Variants in KCNQ2 observed in about 807,000 individuals in gnomAD.
KCNQ2 encodes the protein potassium voltage-gated channel subfamily Q member 2.
In KCNQ2, 14 loss-of-function variants were observed where a neutral mutation model predicts 84.8. That is an observed-to-expected ratio of 0.17 (90% confidence interval 0.11 to 0.26). KCNQ2 has a LOEUF of 0.26. Among genes scored for constraint, KCNQ2 ranks in the 10% least tolerant of loss-of-function variants. KCNQ2 has a pLI of 1.00. For synonymous variants in KCNQ2, 599 were observed against 554.1 expected, an observed-to-expected ratio of 1.08 and a Z score of -1.14; for missense variants, 788 against 1,254.0, an observed-to-expected ratio of 0.63 and a Z score of 5.61.
At chr20:63,443,214 AC>A (rs1412952442) in intron 4 of KCNQ2, among the ~76,000 whole-genome samples, 1 of 107,590 alleles carries the variant, frequency 9.3e-6, no homozygotes, top group African/African-American at 3.8e-5. Flanking sequence ...CACCACCACC[AC>A]CATGATCACC....
rs573768283 is a variant in KCNQ2, at chr20:63,470,115, G to A, written c.296+2053C>T. ...ACCAGCCCCCAGTGTCCAACCCGAG[G>A]CAGGACCAGAAACCCTGCTCTCCAG... is the stretch of plus-strand genomic sequence containing the variant. On this transcript the variant is annotated intron_variant, in intron 1 of 16. Coordinates refer to ENST00000359125, the MANE Select transcript of KCNQ2 (RefSeq NM_172107.4). Among the ~76,000 whole-genome samples, 43 of 152,326 alleles carry A rather than the reference G, an allele frequency of 2.8e-4. No individual in the cohort carries two copies. The South Asian group carries it at 8.3e-3, about 29-fold the overall frequency.
chr20:63,471,955 G>A (rs983416603), intron 1 of KCNQ2, among the ~76,000 whole-genome samples: 4 of 152,188 alleles, frequency 2.6e-5, no homozygotes, highest in Non-Finnish European at 5.9e-5. Context: ...ACCCCGACCT[G>A]AGCGGCCCCG....
chr20:63,431,478 C>CA, intron 8 of KCNQ2, 109 bp from the exon 9 acceptor site: 1 of 1,268,078 alleles, frequency 7.9e-7, no homozygotes, highest in South Asian at 1.2e-5. Context: ...GGGGAAACAA[C>CA]AGAACAAAGA....
intron 1 of KCNQ2, among the ~76,000 whole-genome samples, chr20:63,463,478 A>G (rs1351640107): frequency 1.3e-5 from 2 of 152,114 alleles, no homozygotes; most frequent in African/African-American, 4.8e-5. Flanking sequence ...TTAAAGTCCC[A>G]CACACGTGCC....
At chr20:63,471,248 G>A (rs1331624509) in intron 1 of KCNQ2, 1 of 152,318 alleles carries the variant, frequency 6.6e-6, no homozygotes, top group Non-Finnish European at 1.5e-5. Flanking sequence ...GCGCCCTGGC[G>A]CGGGGAGGCT....
intron 7 of KCNQ2, among the ~76,000 whole-genome samples, chr20:63,435,031 T>G (rs2080951840): frequency 6.6e-6 from 1 of 152,198 alleles, no homozygotes; most frequent in Non-Finnish European, 1.5e-5. Flanking sequence ...CCAGGGTGAC[T>G]GCATCGCTAC....
In KCNQ2 at chr20:63,444,955, C is replaced by G. The variant is rs550886890; in HGVS notation, c.515-121G>C. 1.2e-5 allele frequency: 14 copies of G among 1,173,484 alleles called. 1 individual carries two copies. The African/African-American group carries it at 1.7e-4, about 14-fold the overall frequency. 72.7% of individuals were successfully genotyped at this position (1,173,484 alleles called of 1,614,324 possible). A position where few individuals can be genotyped will look rare whatever the true frequency, so the allele number is the denominator to read the frequency against. On this transcript the variant is annotated intron_variant, in intron 3 of 16. Coordinates refer to ENST00000359125, the MANE Select transcript of KCNQ2 (RefSeq NM_172107.4). Reference sequence around the variant, plus strand: ...GGGGCGGGAAGGTGTATGCCCAGCGCCTGGTGTGGGCTCTGTCAGGCCCCA... The same window carrying G: ...GGGGCGGGAAGGTGTATGCCCAGCGGCTGGTGTGGGCTCTGTCAGGCCCCA...
Position 63,406,816 on chromosome 20 carries a change from G to A in KCNQ2, c.2447C>T (p.Ala816Val). Reference protein sequence around the residue: ...SISQSKENLDALNSCYAAVAP... With the variant: ...SISQSKENLDVLNSCYAAVAP... Reference sequence around the variant, plus strand: ...CACGGCCGCGTAGCAGCTGTTGAGAGCATCCAGGTTCTCCTTGGACTGGGA... The same window carrying A: ...CACGGCCGCGTAGCAGCTGTTGAGAACATCCAGGTTCTCCTTGGACTGGGA... Residue 816 changes from alanine to valine, a missense_variant, in exon 17 of 17, where the codon GCT becomes GTT. Ala to Val is a moderately conservative substitution (Grantham distance 64, BLOSUM62 0). Around this residue, in one of 8 missense-constraint regions of KCNQ2, gnomAD observed 378 missense variants for 434.5 expected, o/e 0.87. Transcript: ENST00000359125. The A allele has an allele frequency of 6.2e-7, 1 of 1,612,636 alleles. No homozygotes were observed. The highest frequency in any genetic ancestry group is 2.2e-5 in the East Asian group (1 of 44,872).
At position 63,446,448 on chromosome 20, in the gene KCNQ2, G is replaced by T. The variant is rs886416774; in HGVS notation, c.387+299C>A. On this transcript the variant is annotated intron_variant, in intron 2 of 16. Coordinates refer to ENST00000359125, the MANE Select transcript of KCNQ2 (RefSeq NM_172107.4). The surrounding 1 kb of genome is among the most constrained non-coding windows in gnomAD (Gnocchi z 5.5). ...ACATCTCCGGCTCCAGAGATAAAGT[G>T]GGGATGGGAAAGGGAGGGTGGCCCA... Among the ~76,000 whole-genome samples the T allele has an allele frequency of 6.6e-6, 1 of 152,182 alleles. No individual in the cohort carries two copies. Among genetic ancestry groups the T allele is most frequent in the African/African-American group, 2.4e-5 (1 of 41,446 alleles).
intron 11 of KCNQ2, chr20:63,423,559 C>A (rs12479476): frequency 0.069 from 10,591 of 152,610 alleles, 536 homozygotes; most frequent in Admixed American, 0.13. Context: ...ACCCACAGAA[C>A]CTCGGGGCCC....
intron 1 of KCNQ2, among the ~76,000 whole-genome samples, chr20:63,467,157 G>A (rs563193526): frequency 3.3e-5 from 5 of 151,802 alleles, no homozygotes; most frequent in South Asian, 2.1e-4. Flanking sequence ...GTGGACCTTC[G>A]GAGGGCCCAG....
chr20:63,422,978 G>C (rs2080520380), intron 11 of KCNQ2, among the ~76,000 whole-genome samples: 2 of 152,136 alleles, frequency 1.3e-5, no homozygotes, highest in Admixed American at 1.3e-4. Flanking sequence ...GGGGCACAGT[G>C]CTCATCCCCA....
Position 63,408,315 on chromosome 20 carries a change from C to A in KCNQ2, c.1887+98G>T. ...ATGTAAACCCTAGACTTGAGGAGCCCTCCGTGGCACCCAGCCCCTGAAGCC... is the reference window on the plus strand; with the variant it reads ...ATGTAAACCCTAGACTTGAGGAGCCATCCGTGGCACCCAGCCCCTGAAGCC... On this transcript the variant is annotated intron_variant, in intron 16 of 16. Transcript: ENST00000359125. The surrounding 1 kb of genome is among the most constrained non-coding windows in gnomAD (Gnocchi z 5.0). The A allele has an allele frequency of 6.7e-6, 10 of 1,485,934 alleles. No homozygotes were observed. Among genetic ancestry groups the A allele is most frequent in the South Asian group, 1.2e-5 (1 of 84,622 alleles). 92.0% of individuals were successfully genotyped at this position (1,485,934 alleles called of 1,614,324 possible). A position where few individuals can be genotyped will look rare whatever the true frequency, so the allele number is the denominator to read the frequency against.
intron 1 of KCNQ2, among the ~76,000 whole-genome samples, chr20:63,461,477 C>T (rs2081944797): frequency 6.6e-6 from 1 of 152,208 alleles, no homozygotes; most frequent in Admixed American, 6.5e-5. Context: ...GACTCTATGG[C>T]CTGGGCGGAT....
At chr20:63,471,643 T>TG (rs531540990) in intron 1 of KCNQ2, 151 of 148,612 alleles carry the variant, frequency 1.0e-3, no homozygotes, top group South Asian at 6.7e-3. Flanking sequence ...CGGGCTGGGG[T>TG]GGGGGGGTCA....
In KCNQ2 at chr20:63,419,681, G is replaced by A; in HGVS notation, c.1248-9C>T. ...TGCACGGGCTGCCTTTACTGGAAAT[G>A]AGGAGAGCACAGTTAGTCCTGGGCG... is the stretch of plus-strand genomic sequence containing the variant. On this transcript the variant is annotated splice_polypyrimidine_tract_variant and intron_variant, in intron 11 of 16. Transcript: ENST00000359125. The A allele has an allele frequency of 1.2e-6, 2 of 1,609,158 alleles. No individual in the cohort carries two copies. Among genetic ancestry groups the A allele is most frequent in the Non-Finnish European group, 1.7e-6 (2 of 1,178,630 alleles).
chr20:63,458,345 C>A (rs1168347496), intron 1 of KCNQ2, among the ~76,000 whole-genome samples: 1 of 152,078 alleles, frequency 6.6e-6, no homozygotes, highest in Admixed American at 6.5e-5. Flanking sequence ...CTCGAGGCCG[C>A]TGCAGTGCCT....
chr20:63,402,351 C>G lies in KCNQ2; in HGVS notation c.*4293G>C, dbSNP rs369757679. On this transcript the variant is annotated 3_prime_UTR_variant, in exon 17 of 17. Transcript: ENST00000359125. ...ATCAACCTGTGATCTTGCCAATGCCCCAGCCTCTGCTCTGTACGGCATTCA... is the reference window on the plus strand; with the variant it reads ...ATCAACCTGTGATCTTGCCAATGCCGCAGCCTCTGCTCTGTACGGCATTCA... 6.4e-6 allele frequency: 1 copy of G among 156,644 alleles called. No individual in the cohort carries two copies. The highest frequency in any genetic ancestry group is 1.8e-4 in the South Asian group (1 of 5,640). The allele number at this position is 156,644 out of a possible 1,614,324, so 9.7% of individuals were successfully genotyped here. A position where few individuals can be genotyped will look rare whatever the true frequency, so the allele number is the denominator to read the frequency against.
intron 1 of KCNQ2, among the ~76,000 whole-genome samples, chr20:63,461,469 C>A (rs2081944631): frequency 6.6e-6 from 1 of 152,214 alleles, no homozygotes; most frequent in Admixed American, 6.5e-5. Flanking sequence ...AAGCCCCTGA[C>A]TCTATGGCCT....
Sources: allele counts gnomAD v4.1 joint callset (sites outside exome capture counted in the v4.1 genomes callset), GRCh38; gene constraint gnomAD v4.1.1; regional missense constraint gnomAD v4.1.1; non-coding constraint Gnocchi (gnomAD v3.1); transcripts MANE v1.5; gene names NCBI Gene and HGNC (gene_info 2026-07-23, HGNC 2026-07-21).